DBF4B: variants seen among roughly 807,000 people sequenced by gnomAD.
DBF4B encodes the protein DBF4B-CDC7 kinase regulatory subunit.
A neutral mutation model predicts 53.4 loss-of-function variants in DBF4B; 49 were observed. The ratio of observed to expected loss-of-function variants is 0.92; its 90% CI spans 0.73 to 1.16. The LOEUF is 1.16. Among genes scored for constraint, DBF4B ranks in the 50% most tolerant of loss-of-function variants. The pLI is 0.00. For synonymous variants in DBF4B, 257 were observed against 288.7 expected (o/e 0.89, Z 1.11); for missense variants, 692 against 775.0 (o/e 0.89, Z 1.27).
At chr17:44,718,368 A>G (rs1973515582) in intron 2 of DBF4B, among the ~76,000 whole-genome samples, 1 of 151,094 alleles carries the variant, frequency 6.6e-6, no homozygotes, top group Non-Finnish European at 1.5e-5. Context: ...GGTTGCAGTG[A>G]GCCGAGATCG....
At position 44,751,555 on chromosome 17, in the gene DBF4B, C is replaced by T; in HGVS notation, c.*302C>T. 1 of 1,341,392 alleles carries T rather than the reference C, an allele frequency of 7.5e-7. No homozygotes were observed. Among genetic ancestry groups the T allele is most frequent in the South Asian group, 1.9e-5 (1 of 52,434 alleles). 83.1% of individuals were successfully genotyped at this position (1,341,392 alleles called of 1,614,324 possible). On this transcript the variant is annotated 3_prime_UTR_variant, in exon 14 of 14. Transcript: ENST00000315005. ...CAACCACTCTTGTTGGTTTCCTTCT[C>T]AGACTTGCCACCTTTCCCCTCTGCC...
At chr17:44,729,493 AC>A (rs1214449147) in intron 3 of DBF4B, among the ~76,000 whole-genome samples, 1 of 152,154 alleles carries the variant, frequency 6.6e-6, no homozygotes, top group Non-Finnish European at 1.5e-5. Flanking sequence ...GGTATCAGCC[AC>A]CACACCTGGT....
chr17:44,742,394 A>C (rs2145098966), intron 10 of DBF4B, among the ~76,000 whole-genome samples: 1 of 144,478 alleles, frequency 6.9e-6, no homozygotes, highest in African/African-American at 2.6e-5. Context: ...TGGGTGATAG[A>C]GCGAGACTCC....
At chr17:44,734,673 C>G (rs187957037) in intron 7 of DBF4B, among the ~76,000 whole-genome samples, 1 of 152,248 alleles carries the variant, frequency 6.6e-6, no homozygotes, top group Non-Finnish European at 1.5e-5. Context: ...GCCACAGTAT[C>G]TTCACCCAAG....
At chr17:44,722,115 CAA>C (rs1447005615) in intron 2 of DBF4B, among the ~76,000 whole-genome samples, 4 of 149,780 alleles carry the variant, frequency 2.7e-5, no homozygotes, top group Non-Finnish European at 5.9e-5. Context: ...GCCTGGGCAA[CAA>C]GAGCGAAACT....
intron 7 of DBF4B, among the ~76,000 whole-genome samples, chr17:44,734,928 A>AC (rs953790770): frequency 6.0e-4 from 91 of 152,150 alleles, no homozygotes; most frequent in African/African-American, 2.2e-3. Flanking sequence ...GTGTGGTGAA[A>AC]CCCCGACTGT....
intron 2 of DBF4B, among the ~76,000 whole-genome samples, chr17:44,715,436 A>G (rs967014411): frequency 6.6e-6 from 1 of 152,070 alleles, no homozygotes; most frequent in African/African-American, 2.4e-5. Flanking sequence ...ACCTCAGGTG[A>G]TCCACCCATC....
chr17:44,750,483 G>A, intron 13 of DBF4B, 112 bp from the exon 14 acceptor site: 1 of 1,484,884 alleles, frequency 6.7e-7, no homozygotes, highest in Non-Finnish European at 8.9e-7. Flanking sequence ...CCCCCTTCCT[G>A]TTAAATTTTA....
intron 13 of DBF4B, 44 bp from the exon 14 acceptor site, chr17:44,750,551 A>G: frequency 6.5e-7 from 1 of 1,534,188 alleles, no homozygotes; most frequent in Non-Finnish European, 8.8e-7. Context: ...TAGCAAAGAG[A>G]TGGGGCTGGA....
rs73984066 is a variant in DBF4B, at chr17:44,751,872, C to G, written c.*619C>G. On this transcript the variant is annotated 3_prime_UTR_variant, in exon 14 of 14. Transcript: ENST00000315005. Reference sequence around the variant, plus strand: ...GGCTCCCTTGGTCGCAGCAGCCCCTCAGTGGCCTGGTTCTCCTGTCCCCCT... The same window carrying G: ...GGCTCCCTTGGTCGCAGCAGCCCCTGAGTGGCCTGGTTCTCCTGTCCCCCT... The G allele has an allele frequency of 2.6e-6, 4 of 1,536,170 alleles. No individual in the cohort carries two copies. The African/African-American group carries it at 5.5e-5, about 21-fold the overall frequency.
Position 44,750,700 on chromosome 17 carries a change from C to G in DBF4B, c.1295C>G (p.Pro432Arg). 1 of 1,614,090 alleles carries G rather than the reference C, an allele frequency of 6.2e-7. No individual in the cohort carries two copies. The highest frequency in any genetic ancestry group is 1.1e-5 in the South Asian group (1 of 91,084). Residue 432 changes from proline to arginine, a missense_variant, in exon 14 of 14, where the codon CCG (proline) becomes CGG (arginine). By Grantham distance (103) the Pro-to-Arg change is moderately radical. Coordinates refer to ENST00000315005, the MANE Select transcript of DBF4B (RefSeq NM_145663.3). Reference protein sequence around the residue: ...HTCVSATTLLPALPKGSREQG... With the variant: ...HTCVSATTLLRALPKGSREQG... ...TGTGTGAGTGCCACAACCCTCCTGC[C>G]GGCCTTGCCCAAGGGCTCCAGGGAG...
chr17:44,730,122 T>C lies in DBF4B; in HGVS notation c.417+26T>C, dbSNP rs200612491. 7.1e-5 allele frequency: 114 copies of C among 1,609,218 alleles called. No homozygotes were observed. The African/African-American group carries it at 1.2e-3, about 17-fold the overall frequency. On this transcript the variant is annotated intron_variant, in intron 4 of 13. Coordinates refer to ENST00000315005, the MANE Select transcript of DBF4B (RefSeq NM_145663.3). ...GTAAGAACCTCATGTAGGAAAGGTA[T>C]GCTGTGTAAACAAAGGAAGTAGGCT...
Position 44,749,005 on chromosome 17 carries a change from G to A in DBF4B, c.1189+540G>A, listed in dbSNP as rs1199056196. 7.8e-7 allele frequency: 1 copy of A among 1,289,880 alleles called. No homozygotes were observed. The highest frequency in any genetic ancestry group is 1.0e-6 in the Non-Finnish European group (1 of 988,864). 79.9% of individuals were successfully genotyped at this position (1,289,880 alleles called of 1,614,324 possible). On this transcript the variant is annotated intron_variant, in intron 13 of 13. Transcript: ENST00000315005. This position sits in a 1 kb window ranked among gnomAD's most constrained non-coding sequence, Gnocchi z 4.4. ...GGGGAAAGGGTGGCCCCCAGGGCCT[G>A]AGGATTCTGAGTGTACAGCCACTGG...
chr17:44,738,756 G>A (rs1186206502), intron 9 of DBF4B, among the ~76,000 whole-genome samples: 1 of 152,066 alleles, frequency 6.6e-6, no homozygotes, highest in East Asian at 1.9e-4. Flanking sequence ...CTTTCCCCTT[G>A]GGTGTATGCT....
In DBF4B at chr17:44,749,547, C is replaced by T. The variant is rs2049223108; in HGVS notation, c.1190-1048C>T. On this transcript the variant is annotated intron_variant, in intron 13 of 13. Coordinates refer to ENST00000315005, the MANE Select transcript of DBF4B (RefSeq NM_145663.3). This position sits in a 1 kb window ranked among gnomAD's most constrained non-coding sequence, Gnocchi z 4.4. ...CATGGAGCTGACAGAGCCACCCCTC[C>T]CACTGGCCAGGTCTTTGGGAGAGAA... 1.6e-6 allele frequency: 2 copies of T among 1,223,034 alleles called. No homozygotes were observed. Among genetic ancestry groups the T allele is most frequent in the Non-Finnish European group, 2.1e-6 (2 of 956,620 alleles). 75.8% of individuals were successfully genotyped at this position (1,223,034 alleles called of 1,614,324 possible).
intron 2 of DBF4B, 68 bp from the exon 3 acceptor site, chr17:44,722,812 T>A: frequency 6.3e-7 from 1 of 1,579,704 alleles, no homozygotes; most frequent in Non-Finnish European, 8.6e-7. Flanking sequence ...GAGCTGTCAG[T>A]GAGGGCCACC....
intron 2 of DBF4B, among the ~76,000 whole-genome samples, chr17:44,715,781 CTGTT>C (rs1229942696): frequency 1.9e-5 from 2 of 106,062 alleles, no homozygotes; most frequent in Non-Finnish European, 4.2e-5. Context: ...CTTCTTTTTT[CTGTT>C]TGTTAGCCTA....
rs1353533253 is a variant in DBF4B at position 44,748,909 on chromosome 17, C to T, written c.1189+444C>T. ...GTGCCACTCACAGACCTGCCTCTCT[C>T]TCCCAGACCCCTTCCCCTGGCAGCC... is the stretch of plus-strand genomic sequence containing the variant. On this transcript the variant is annotated intron_variant, in intron 13 of 13. Coordinates refer to ENST00000315005, the MANE Select transcript of DBF4B (RefSeq NM_145663.3). The T allele has an allele frequency of 1.0e-5, 13 of 1,290,212 alleles. No homozygotes were observed. In the Admixed American group the frequency reaches 3.0e-4, roughly 30 times the overall value. 79.9% of individuals were successfully genotyped at this position (1,290,212 alleles called of 1,614,324 possible). A position where few individuals can be genotyped will look rare whatever the true frequency, so the allele number is the denominator to read the frequency against.
rs10522434 is a variant in DBF4B, at chr17:44,710,976, ATT to A, written c.82+1636_82+1637del. On this transcript the variant is annotated intron_variant, in intron 2 of 13. Coordinates refer to ENST00000315005, the MANE Select transcript of DBF4B (RefSeq NM_145663.3). ...TTATTTTCGTTTTTATTCCAGTTTG[ATT>A]TTTTTTTTTTTTTTTTTTTTTTTTT... Among the ~76,000 whole-genome samples, 655 of 97,998 alleles carry A rather than the reference ATT, an allele frequency of 6.7e-3. 1 individual carries two copies. The highest frequency in any genetic ancestry group is 0.03 in the African/African-American group (575 of 19,024). 64.3% of individuals were successfully genotyped at this position (97,998 alleles called of 152,430 possible). A position where few individuals can be genotyped will look rare whatever the true frequency, so the allele number is the denominator to read the frequency against.
Sources: gnomAD v4.1 joint callset for allele counts (sites outside exome capture counted in the v4.1 genomes callset) on GRCh38, gnomAD v4.1.1 for gene constraint, Gnocchi (gnomAD v3.1) non-coding constraint, MANE v1.5 for transcripts, NCBI Gene and HGNC (gene_info 2026-07-23, HGNC 2026-07-21) for gene names.